The following FER1L6 variants were observed in gnomAD, a reference collection of about 807,000 sequenced individuals.
FER1L6 encodes the protein fer-1 like family member 6.
A neutral mutation model predicts 219.2 loss-of-function variants in FER1L6; 177 were observed. The ratio of observed to expected loss-of-function variants is 0.81; its 90% CI spans 0.71 to 0.91. The LOEUF is 0.91. Ranked by LOEUF, FER1L6 falls within the 40% of genes least tolerant of loss-of-function variation. The pLI, the probability that FER1L6 is intolerant of heterozygous loss-of-function variation, is 0.00. For synonymous variants in FER1L6, 768 were observed against 824.3 expected, an observed-to-expected ratio of 0.93 and a Z score of 1.17; for missense variants, 2,153 against 2,259.9, an observed-to-expected ratio of 0.95 and a Z score of 0.96.
At chr8:123,940,092 T>C (rs1032274660) in intron 1 of FER1L6, among the ~76,000 whole-genome samples, 1 of 152,226 alleles carries the variant, frequency 6.6e-6, no homozygotes, top group Non-Finnish European at 1.5e-5. Context: ...AGGCATCTAA[T>C]AGGCACTCAT....
intron 13 of FER1L6, among the ~76,000 whole-genome samples, chr8:124,005,395 G>A (rs1227083094): frequency 6.6e-6 from 1 of 152,218 alleles, no homozygotes. Flanking sequence ...CCCCATGGCA[G>A]TATCCCAATA....
intron 21 of FER1L6, among the ~76,000 whole-genome samples, chr8:124,047,934 TG>T (rs1426323680): frequency 1.3e-5 from 2 of 152,190 alleles, no homozygotes; most frequent in Admixed American, 6.5e-5. Context: ...CTGGAATAAA[TG>T]AGTTTATATT....
At chr8:124,108,708 C>A (rs1822883654) in intron 39 of FER1L6, among the ~76,000 whole-genome samples, 1 of 152,014 alleles carries the variant, frequency 6.6e-6, no homozygotes, top group South Asian at 2.1e-4. Context: ...GAGACCCCGT[C>A]TCTACAAAAA....
chr8:123,906,539 C>T (rs1654567687), intron 1 of FER1L6, among the ~76,000 whole-genome samples: 1 of 152,114 alleles, frequency 6.6e-6, no homozygotes, highest in South Asian at 2.1e-4. Flanking sequence ...GTGGCTCACA[C>T]CTGTAATCCC....
chr8:124,030,331 C>T (rs1363831414), intron 18 of FER1L6, among the ~76,000 whole-genome samples: 1 of 152,090 alleles, frequency 6.6e-6, no homozygotes, highest in African/African-American at 2.4e-5. Context: ...GTTTTGCGGT[C>T]CCGGGTTGCA....
At chr8:124,007,633 C>T (rs1407462537) in intron 13 of FER1L6, among the ~76,000 whole-genome samples, 1 of 152,240 alleles carries the variant, frequency 6.6e-6, no homozygotes, top group Non-Finnish European at 1.5e-5. Flanking sequence ...CAACTGCCAT[C>T]TTTAAATATT....
Position 124,101,102 on chromosome 8 carries a change from T to C in FER1L6, c.4889T>C (p.Leu1630Ser), listed in dbSNP as rs766469360. 10 of 1,613,672 alleles carry C rather than the reference T, an allele frequency of 6.2e-6. No individual in the cohort carries two copies. The highest frequency in any genetic ancestry group is 7.6e-6 in the Non-Finnish European group (9 of 1,179,762). Residue 1630 changes from leucine to serine, a missense_variant, in exon 38 of 41, where the codon TTA (leucine) becomes TCA (serine). By Grantham distance (145) the Leu-to-Ser change is moderately radical (BLOSUM62 -2). Coordinates refer to ENST00000522917, the MANE Select transcript of FER1L6 (RefSeq NM_001039112.2). The stretch of plus-strand genomic sequence containing the variant: ...TATTTTGAATCTATTTTTAGGTGGT[T>C]AAAGGGCTTGGAGGATGACAAGCAG... ...KSSDIYVKGWLKGLEDDKQET... is the reference protein window; with the variant it reads ...KSSDIYVKGWSKGLEDDKQET...
At chr8:124,097,690 A>C (rs923692712) in intron 36 of FER1L6, 95 bp from the exon 37 acceptor site, 4 of 735,566 alleles carry the variant, frequency 5.4e-6, no homozygotes, top group African/African-American at 5.3e-5. Context: ...AAACTTTAGG[A>C]AACTTATAGA....
chr8:124,113,947 G>A (rs1823123554), intron 39 of FER1L6, among the ~76,000 whole-genome samples: 1 of 152,160 alleles, frequency 6.6e-6, no homozygotes, highest in Non-Finnish European at 1.5e-5. Context: ...TCACTGTAAA[G>A]GCACATTTTC....
At chr8:123,975,801 A>G in intron 8 of FER1L6, 97 bp from the exon 9 acceptor site, 1 of 962,408 alleles carries the variant, frequency 1.0e-6, no homozygotes, top group Non-Finnish European at 1.6e-6. Context: ...TTTGTCTTAT[A>G]TTGGGATCTT....
chr8:123,893,773 G>A (rs1033262505), intron 1 of FER1L6, among the ~76,000 whole-genome samples: 1 of 152,218 alleles, frequency 6.6e-6, no homozygotes, highest in Non-Finnish European at 1.5e-5. Context: ...TGCATTTAGT[G>A]TGGATAATCA....
chr8:124,008,387 G>A (rs1009109773), intron 13 of FER1L6, among the ~76,000 whole-genome samples: 8 of 152,142 alleles, frequency 5.3e-5, no homozygotes, highest in South Asian at 2.1e-4. Flanking sequence ...TTTTCCAATC[G>A]TAAATTGTGT....
intron 13 of FER1L6, among the ~76,000 whole-genome samples, chr8:124,008,494 C>T (rs1451795315): frequency 6.6e-6 from 1 of 152,152 alleles, no homozygotes. Context: ...AATGGTAGTT[C>T]TACTTTTAGT....
intron 5 of FER1L6, among the ~76,000 whole-genome samples, chr8:123,969,164 T>C (rs1815687098): frequency 6.6e-6 from 1 of 152,224 alleles, no homozygotes; most frequent in African/African-American, 2.4e-5. Flanking sequence ...CCAATAGGAA[T>C]CTGGGTAGCA....
chr8:124,059,873 T>TAA (rs2130820771), intron 22 of FER1L6, among the ~76,000 whole-genome samples: 2 of 152,290 alleles, frequency 1.3e-5, no homozygotes, highest in South Asian at 4.1e-4. Context: ...TTGTGTAATT[T>TAA]TATTAAGTTG....
At chr8:123,856,304 A>ATG (rs1315109039) in intron 1 of FER1L6, among the ~76,000 whole-genome samples, 2 of 60,430 alleles carry the variant, frequency 3.3e-5, no homozygotes, top group African/African-American at 1.3e-4. Flanking sequence ...ATATATATAT[A>ATG]TATATGTATG....
chr8:124,061,719 G>T, intron 24 of FER1L6, 133 bp from the exon 25 acceptor site: 1 of 760,284 alleles, frequency 1.3e-6, no homozygotes, highest in Non-Finnish European at 2.1e-6. Context: ...CCAGAGTTTT[G>T]GCAATCTGCA....
intron 33 of FER1L6, among the ~76,000 whole-genome samples, chr8:124,083,009 T>TAC (rs10633345): frequency 0.87 from 131,026 of 150,996 alleles, 57,064 homozygotes; most frequent in Non-Finnish European, 0.89. Context: ...ATATATTATA[T>TAC]ACACACACAT....
chr8:124,070,345 T>A, intron 29 of FER1L6, 122 bp from the exon 30 acceptor site: 6 of 1,022,046 alleles, frequency 5.9e-6, no homozygotes, highest in Non-Finnish European at 8.6e-6. Flanking sequence ...AAATTACCAG[T>A]GGCCTCAGAT....
Sources: gnomAD v4.1 joint callset for allele counts (sites outside exome capture counted in the v4.1 genomes callset) on GRCh38, gnomAD v4.1.1 for gene constraint, MANE v1.5 for transcripts, NCBI Gene and HGNC (gene_info 2026-07-23, HGNC 2026-07-21) for gene names.